The following GALNT17 variants were observed in gnomAD, a reference collection of about 807,000 sequenced individuals.
The protein encoded by GALNT17 is polypeptide N-acetylgalactosaminyltransferase 17, also known as UDP-GalNAc:polypeptide N-acetylgalactosaminyltransferase-like 3.
A neutral mutation model predicts 63.7 loss-of-function variants in GALNT17; 29 were observed. The observed-to-expected ratio is 0.46, with a 90% CI of 0.34 to 0.62. The LOEUF (loss-of-function observed/expected upper bound fraction) is 0.62, where lower values mean the gene tolerates loss of function less well. Ranked by LOEUF, GALNT17 falls within the 20% of genes least tolerant of loss-of-function variation. The pLI is 0.01. For synonymous variants in GALNT17, 305 were observed against 318.3 expected (o/e 0.96, Z 0.45); for missense variants, 603 against 799.6 (o/e 0.75, Z 2.97).
intron 5 of GALNT17, among the ~76,000 whole-genome samples, chr7:71,509,749 A>C (rs1192465207): frequency 1.3e-5 from 2 of 152,124 alleles, no homozygotes; most frequent in African/African-American, 4.8e-5. Context: ...GGACATGGGA[A>C]CAGAGAGATG....
At chr7:71,187,803 C>G (rs1169321450) in intron 1 of GALNT17, among the ~76,000 whole-genome samples, 1 of 151,982 alleles carries the variant, frequency 6.6e-6, no homozygotes, top group Non-Finnish European at 1.5e-5. Flanking sequence ...GAGTAAATTC[C>G]TTAGTGGTGA....
chr7:71,425,464 C>T (rs1030071371), intron 5 of GALNT17, among the ~76,000 whole-genome samples: 1 of 152,092 alleles, frequency 6.6e-6, no homozygotes, highest in African/African-American at 2.4e-5. Context: ...CCTCGTGATC[C>T]ACCCGTCTCA....
intron 6 of GALNT17, among the ~76,000 whole-genome samples, chr7:71,589,927 G>T (rs1008839421): frequency 6.6e-6 from 1 of 152,150 alleles, no homozygotes; most frequent in South Asian, 2.1e-4. Flanking sequence ...CAGTCATATG[G>T]TAGGTGCTAT....
At chr7:71,629,796 CTTT>C (rs1562716082) in intron 6 of GALNT17, among the ~76,000 whole-genome samples, 1 of 152,096 alleles carries the variant, frequency 6.6e-6, no homozygotes, top group Non-Finnish European at 1.5e-5. Context: ...TATTTTTAAA[CTTT>C]TTTATAGAGA....
At position 71,452,855 on chromosome 7, in the gene GALNT17, T is replaced by G. The variant is rs140771564; in HGVS notation, c.962+31750T>G. Among the ~76,000 whole-genome samples the G allele has an allele frequency of 9.9e-3, 1,503 of 152,308 alleles. 30 individuals are homozygous for G. The highest frequency in any genetic ancestry group is 0.034 in the African/African-American group (1,421 of 41,570). The stretch of plus-strand genomic sequence containing the variant: ...GTTGTTGTTGTTTTCTGGCCAGTTA[T>G]GTAAAGTATAGTCAGTGTTTTCTCT... On this transcript the variant is annotated intron_variant, in intron 5 of 10. Transcript: ENST00000333538.
intron 2 of GALNT17, among the ~76,000 whole-genome samples, chr7:71,339,397 A>G (rs1026353116): frequency 6.6e-6 from 1 of 152,220 alleles, no homozygotes; most frequent in African/African-American, 2.4e-5. Flanking sequence ...AGAAAGTTGA[A>G]GATGGGGGGC....
intron 2 of GALNT17, among the ~76,000 whole-genome samples, chr7:71,337,665 T>A (rs7776752): frequency 6.6e-6 from 1 of 151,642 alleles, no homozygotes; most frequent in Non-Finnish European, 1.5e-5. Flanking sequence ...GTCAGGAGTT[T>A]GAGACCAGCC....
intron 2 of GALNT17, among the ~76,000 whole-genome samples, chr7:71,380,051 G>A (rs986504662): frequency 3.3e-5 from 5 of 152,152 alleles, no homozygotes; most frequent in Non-Finnish European, 7.3e-5. Flanking sequence ...AGGAAATAGC[G>A]ATTATACAAG....
intron 5 of GALNT17, among the ~76,000 whole-genome samples, chr7:71,433,150 G>C (rs1362233486): frequency 6.6e-6 from 1 of 152,130 alleles, no homozygotes; most frequent in Non-Finnish European, 1.5e-5. Flanking sequence ...GAGGAAAGAT[G>C]GAAGACTATC....
At chr7:71,376,729 A>T (rs1792735901) in intron 2 of GALNT17, among the ~76,000 whole-genome samples, 1 of 151,948 alleles carries the variant, frequency 6.6e-6, no homozygotes, top group South Asian at 2.1e-4. Context: ...AGGCAAGAGG[A>T]TTGATTGAGA....
At chr7:71,347,420 G>C (rs1563021904) in intron 2 of GALNT17, among the ~76,000 whole-genome samples, 1 of 151,992 alleles carries the variant, frequency 6.6e-6, no homozygotes, top group African/African-American at 2.4e-5. Flanking sequence ...GAAATGTATA[G>C]AATAATATAC....
At chr7:71,285,130 TACAAAATTC>T (rs1562970263) in intron 1 of GALNT17, among the ~76,000 whole-genome samples, 1 of 152,212 alleles carries the variant, frequency 6.6e-6, no homozygotes, top group Non-Finnish European at 1.5e-5. Flanking sequence ...CCGCAGAAAT[TACAAAATTC>T]ACAAAAATAA....
intron 3 of GALNT17, among the ~76,000 whole-genome samples, chr7:71,395,334 A>G (rs1159021745): frequency 7.9e-5 from 12 of 152,196 alleles, no homozygotes; most frequent in Admixed American, 7.2e-4. Flanking sequence ...TGAAATCTAC[A>G]ACATGTGGCC....
intron 1 of GALNT17, among the ~76,000 whole-genome samples, chr7:71,228,764 C>A (rs57346600): frequency 0.15 from 22,119 of 152,162 alleles, 2,426 homozygotes; most frequent in African/African-American, 0.31. Flanking sequence ...TTTTGGGCCC[C>A]TTTGGATAAT....
intron 6 of GALNT17, among the ~76,000 whole-genome samples, chr7:71,584,553 C>G (rs138791372): frequency 5.3e-5 from 8 of 152,050 alleles, no homozygotes; most frequent in Non-Finnish European, 1.5e-5. Flanking sequence ...AAAACATAGT[C>G]TCGACATAAA....
intron 7 of GALNT17, among the ~76,000 whole-genome samples, chr7:71,665,809 C>G (rs1790976598): frequency 6.6e-6 from 1 of 152,174 alleles, no homozygotes; most frequent in Non-Finnish European, 1.5e-5. Context: ...AATCCACTTA[C>G]AGAGATTAGA....
chr7:71,148,921 A>G (rs1020391083), intron 1 of GALNT17, among the ~76,000 whole-genome samples: 8 of 146,114 alleles, frequency 5.5e-5, no homozygotes, highest in African/African-American at 2.0e-4. Flanking sequence ...ATACACAACT[A>G]TTTGATTTTG....
chr7:71,167,026 A>C (rs1489941427), intron 1 of GALNT17, among the ~76,000 whole-genome samples: 1 of 151,008 alleles, frequency 6.6e-6, no homozygotes, highest in South Asian at 2.1e-4. Flanking sequence ...AGTTACACAC[A>C]ACCATGCCTG....
At chr7:71,651,311 T>C (rs1311695853) in intron 6 of GALNT17, among the ~76,000 whole-genome samples, 3 of 150,412 alleles carry the variant, frequency 2.0e-5, no homozygotes, top group East Asian at 1.9e-4. Context: ...TTTTAGGCTT[T>C]TTTTTTTTTT....
Sources: gnomAD v4.1 joint callset for allele counts (sites outside exome capture counted in the v4.1 genomes callset) on GRCh38, gnomAD v4.1.1 for gene constraint, MANE v1.5 for transcripts, NCBI Gene and HGNC (gene_info 2026-07-23, HGNC 2026-07-21) for gene names.